The following AKR1C4 variants were observed in gnomAD, a reference collection of about 807,000 sequenced individuals.
AKR1C4 encodes aldo-keto reductase family 1 member C4, also known as 3-alpha-HSD1.
AKR1C4 carries 44 observed loss-of-function variants against 41.0 expected under a neutral mutation model. That is an observed-to-expected ratio of 1.07 (90% CI 0.84 to 1.38). The LOEUF (loss-of-function observed/expected upper bound fraction) is 1.38. Ranked by LOEUF, AKR1C4 falls within the 40% of genes most tolerant of loss-of-function variation. The pLI is 0.00. For synonymous variants in AKR1C4, 165 were observed against 137.7 expected (o/e 1.20, Z -1.39); for missense variants, 438 against 387.9 (o/e 1.13, Z -1.09).
In AKR1C4 at chr10:5,218,813, T is replaced by TGGTGA; in HGVS notation, c.*54_*55insGTGAG. The TGGTGA allele has an allele frequency of 6.5e-7, 1 of 1,527,942 alleles. No homozygotes were observed. Among genetic ancestry groups the TGGTGA allele is most frequent in the Non-Finnish European group, 9.1e-7 (1 of 1,103,104 alleles). The allele number at this position is 1,527,942 out of a possible 1,614,324, so 94.6% of individuals were successfully genotyped here. ...AGAAGGCCCTGTGTGTGGATGGTGATGCAGAGGATGTCTCTATGCTGGTGA... is the reference window on the plus strand; with the variant it reads ...AGAAGGCCCTGTGTGTGGATGGTGATGGTGAGCAGAGGATGTCTCTATGCTGGTGA... On this transcript the variant is annotated 3_prime_UTR_variant, in exon 9 of 9. Coordinates refer to ENST00000263126, the MANE Select transcript of AKR1C4 (RefSeq NM_001818.5).
chr10:5,212,326 A>G lies in AKR1C4; in HGVS notation c.571-290A>G, dbSNP rs575207426. On this transcript the variant is annotated intron_variant, in intron 5 of 8. Transcript: ENST00000263126. The stretch of plus-strand genomic sequence containing the variant: ...ACATTCTGGCACAATTTGATGTTCA[A>G]AGCTCAGAATCTTAACCTATCCCAA... Among the ~76,000 whole-genome samples, 6 of 152,300 alleles carry G rather than the reference A, an allele frequency of 3.9e-5. No individual in the cohort carries two copies. The South Asian group carries it at 1.2e-3, about 32-fold the overall frequency.
Position 5,205,945 on chromosome 10 carries a change from G to A in AKR1C4, c.447+111G>A, listed in dbSNP as rs577028461. ...TGCACCATTGGAACTAGAAATTAAGGAGCTTGACAAAGGAAGTTTTGCTGA... is the reference window on the plus strand; with the variant it reads ...TGCACCATTGGAACTAGAAATTAAGAAGCTTGACAAAGGAAGTTTTGCTGA... On this transcript the variant is annotated intron_variant, in intron 4 of 8. Coordinates refer to ENST00000263126, the MANE Select transcript of AKR1C4 (RefSeq NM_001818.5). The A allele has an allele frequency of 2.1e-5, 25 of 1,192,900 alleles. No individual in the cohort carries two copies. In the African/African-American group the frequency reaches 3.1e-4, roughly 15 times the overall value. 73.9% of individuals were successfully genotyped at this position (1,192,900 alleles called of 1,614,324 possible). A position where few individuals can be genotyped will look rare whatever the true frequency, so the allele number is the denominator to read the frequency against.
chr10:5,207,703 G>T, intron 5 of AKR1C4: 1 of 651,992 alleles, frequency 1.5e-6, no homozygotes, highest in South Asian at 1.5e-5. Context: ...GAAACTCCAT[G>T]ATGTGATAAT....
At position 5,212,940 on chromosome 10, in the gene AKR1C4, C is replaced by A. The variant is rs117046715; in HGVS notation, c.681-54C>A. ...ACACCTTAGTCTGTTTAGGGAGCCT[C>A]CTACCAAACTGAATCCAGCCTCAAG... On this transcript the variant is annotated intron_variant, in intron 6 of 8. Coordinates refer to ENST00000263126, the MANE Select transcript of AKR1C4 (RefSeq NM_001818.5). 28 of 1,593,380 alleles carry A rather than the reference C, an allele frequency of 1.8e-5. No homozygotes were observed. In the East Asian group the frequency reaches 6.1e-4, roughly 34 times the overall value.
At position 5,216,701 on chromosome 10, in the gene AKR1C4, T is replaced by A. The variant is rs1554798540; in HGVS notation, c.847-10T>A. ...AATCTAAGAATAAACATTTTCTACT[T>A]CTTTGGTAGGTTTTTGAATTCCAGT... On this transcript the variant is annotated splice_polypyrimidine_tract_variant and intron_variant, in intron 7 of 8. Transcript: ENST00000263126. The A allele has an allele frequency of 1.9e-6, 3 of 1,601,130 alleles. No homozygotes were observed. The highest frequency in any genetic ancestry group is 2.6e-6 in the Non-Finnish European group (3 of 1,169,986).
chr10:5,209,411 A>AT (rs113847472), intron 5 of AKR1C4, among the ~76,000 whole-genome samples: 2 of 152,236 alleles, frequency 1.3e-5, no homozygotes, highest in South Asian at 2.1e-4. Context: ...TTATAAAAAA[A>AT]TTTTTTTCAC....
At chr10:5,212,432 G>A (rs1832589755) in intron 5 of AKR1C4, among the ~76,000 whole-genome samples, 184 bp from the exon 6 acceptor site, 1 of 152,144 alleles carries the variant, frequency 6.6e-6, no homozygotes, top group Non-Finnish European at 1.5e-5. Flanking sequence ...CTAATGCTCA[G>A]AAATAACATT....
intron 7 of AKR1C4, among the ~76,000 whole-genome samples, chr10:5,215,929 T>G (rs1832649961): frequency 6.6e-6 from 1 of 152,192 alleles, no homozygotes; most frequent in Non-Finnish European, 1.5e-5. Context: ...TCAGACATTT[T>G]TAGCAATGTC....
chr10:5,205,744 G>A lies in AKR1C4; in HGVS notation c.370-13G>A. The A allele has an allele frequency of 6.2e-7, 1 of 1,611,560 alleles. No individual in the cohort carries two copies. The highest frequency in any genetic ancestry group is 8.5e-7 in the Non-Finnish European group (1 of 1,178,400). ...GTTAAATGGTGACACTAAAGTGACT[G>A]CTTCTACTTCAGCCAGGTGAGACGC... On this transcript the variant is annotated splice_polypyrimidine_tract_variant and intron_variant, in intron 3 of 8. Coordinates refer to ENST00000263126, the MANE Select transcript of AKR1C4 (RefSeq NM_001818.5).
chr10:5,204,848 G>A (rs782616194), intron 3 of AKR1C4, among the ~76,000 whole-genome samples: 7 of 152,160 alleles, frequency 4.6e-5, no homozygotes, highest in Admixed American at 1.3e-4. Context: ...CACATGTGGT[G>A]TACAGTGAGT....
chr10:5,202,067 T>C (rs1424981780), intron 2 of AKR1C4, among the ~76,000 whole-genome samples: 1 of 152,150 alleles, frequency 6.6e-6, no homozygotes, highest in Non-Finnish European at 1.5e-5. Context: ...TTTTGCTTAG[T>C]ATTGCCTTGG....
At chr10:5,216,133 A>C (rs1455330072) in intron 7 of AKR1C4, among the ~76,000 whole-genome samples, 1 of 152,176 alleles carries the variant, frequency 6.6e-6, no homozygotes, top group African/African-American at 2.4e-5. Context: ...AGGAGGAAAC[A>C]TATCAAATAA....
chr10:5,205,176 A>C (rs982664991), intron 3 of AKR1C4, among the ~76,000 whole-genome samples: 2 of 152,248 alleles, frequency 1.3e-5, no homozygotes, highest in Non-Finnish European at 1.5e-5. Context: ...ATTATCTATG[A>C]ACTCCAAGAA....
chr10:5,212,927 G>GT, intron 6 of AKR1C4, 67 bp from the exon 7 acceptor site: 1 of 1,573,654 alleles, frequency 6.4e-7, no homozygotes. Flanking sequence ...ACCTTAGTCT[G>GT]TTTAGGGAGC....
Position 5,218,828 on chromosome 10 carries a change from T to C in AKR1C4, c.*68T>C. On this transcript the variant is annotated 3_prime_UTR_variant, in exon 9 of 9. Transcript: ENST00000263126. ...TGGATGGTGATGCAGAGGATGTCTC[T>C]ATGCTGGTGACTGGACACACAGCCT... is the stretch of plus-strand genomic sequence containing the variant. The C allele has an allele frequency of 6.7e-7, 1 of 1,483,452 alleles. No homozygotes were observed. The highest frequency in any genetic ancestry group is 9.4e-7 in the Non-Finnish European group (1 of 1,062,526). The allele number at this position is 1,483,452 out of a possible 1,614,324, so 91.9% of individuals were successfully genotyped here. A position where few individuals can be genotyped will look rare whatever the true frequency, so the allele number is the denominator to read the frequency against.
rs1043633812 is a variant in AKR1C4, at chr10:5,218,577, A to T, written c.930-141A>T. ...AAAAACACATTATAAACTCATGTTC[A>T]TGAAAGACATTCTACAAATAGTCCG... On this transcript the variant is annotated intron_variant, in intron 8 of 8. Transcript: ENST00000263126. 3.5e-5 allele frequency: 21 copies of T among 597,738 alleles called. No homozygotes were observed. The East Asian group carries it at 6.3e-4, about 18-fold the overall frequency. 37.0% of individuals were successfully genotyped at this position (597,738 alleles called of 1,614,324 possible).
intron 5 of AKR1C4, among the ~76,000 whole-genome samples, chr10:5,212,171 GC>G (rs1410756481): frequency 3.3e-5 from 5 of 152,152 alleles, no homozygotes; most frequent in African/African-American, 1.2e-4. Flanking sequence ...GGATTGTTTT[GC>G]TATAATTTGT....
intron 1 of AKR1C4, among the ~76,000 whole-genome samples, chr10:5,197,946 G>C (rs1832336832): frequency 6.7e-6 from 1 of 150,152 alleles, no homozygotes; most frequent in Admixed American, 6.6e-5. Context: ...GGAAGGTAGT[G>C]CAACCTGGCA....
chr10:5,206,441 T>A (rs1207238123), intron 5 of AKR1C4, 44 bp downstream of exon 5: 16 of 1,613,026 alleles, frequency 9.9e-6, no homozygotes, highest in Admixed American at 6.7e-5. Flanking sequence ...TCAATGTCCA[T>A]CTTCCTGTCC....
Sources: allele counts gnomAD v4.1 joint callset (sites outside exome capture counted in the v4.1 genomes callset), GRCh38; gene constraint gnomAD v4.1.1; transcripts MANE v1.5; gene names NCBI Gene and HGNC (gene_info 2026-07-23, HGNC 2026-07-21).